IPCEF1: variants seen among roughly 807,000 people sequenced by gnomAD.
IPCEF1 encodes the protein interactor protein for cytohesin exchange factors 1.
IPCEF1 carries 31 observed loss-of-function variants against 50.9 expected under a neutral mutation model. The observed-to-expected ratio is 0.61, with a 90% CI of 0.46 to 0.82. IPCEF1 has a LOEUF of 0.82. IPCEF1 is among the 40% of genes least tolerant of loss of function. The probability of loss-of-function intolerance (pLI) is 0.00; values close to 1 mark genes in which losing one functional copy is unlikely to be tolerated. For missense variants in IPCEF1, 458 were observed against 514.0 expected, an observed-to-expected ratio of 0.89 and a Z score of 1.05; for synonymous variants, 181 against 192.0, an observed-to-expected ratio of 0.94 and a Z score of 0.47.
chr6:154,332,537 C>T (rs1783697335), intron 1 of IPCEF1, among the ~76,000 whole-genome samples: 1 of 152,130 alleles, frequency 6.6e-6, no homozygotes, highest in Non-Finnish European at 1.5e-5. Context: ...TGTTTAAAAA[C>T]TTTCAATTAA....
chr6:154,214,915 G>C (rs1482333039), intron 7 of IPCEF1, among the ~76,000 whole-genome samples: 1 of 152,154 alleles, frequency 6.6e-6, no homozygotes, highest in Non-Finnish European at 1.5e-5. Context: ...ACTCAAACTT[G>C]GCTTATCACT....
At chr6:154,248,578 CTG>C (rs1781246874) in intron 3 of IPCEF1, among the ~76,000 whole-genome samples, 1 of 152,036 alleles carries the variant, frequency 6.6e-6, no homozygotes, top group Non-Finnish European at 1.5e-5. Flanking sequence ...AACTATTGAT[CTG>C]ATAGCTATTG....
intron 1 of IPCEF1, among the ~76,000 whole-genome samples, chr6:154,296,828 CAAAAAAAAAA>C (rs200689361): frequency 1.3e-5 from 1 of 74,886 alleles, no homozygotes; most frequent in African/African-American, 4.6e-5. Context: ...GACTCCGTCT[CAAAAAAAAAA>C]AAAAAGAAAA....
chr6:154,168,007 C>T lies in IPCEF1; in HGVS notation c.1017G>A (p.Glu339=). 1 of 1,612,048 alleles carries T rather than the reference C, an allele frequency of 6.2e-7. No individual in the cohort carries two copies. Among genetic ancestry groups the T allele is most frequent in the Non-Finnish European group, 8.5e-7 (1 of 1,178,426 alleles). ...ACCGCTTAACAAAGGATTTTCTCAA[C>T]TCCTTTTTAGTCGAAGGTCGTCGGT... ...LGDRRPSTKK[E]LRKSFVKRCK... is the part of the protein sequence containing the mutation. The change falls in exon 11 of 12, where the codon GAG becomes GAA. Residue 339 remains glutamate, a synonymous_variant. Transcript: ENST00000367220. The surrounding 1 kb of genome is among the most constrained non-coding windows in gnomAD (Gnocchi z 4.1).
At chr6:154,321,825 G>C (rs79819697) in intron 1 of IPCEF1, among the ~76,000 whole-genome samples, 11,594 of 124,372 alleles carry the variant, frequency 0.093, 982 homozygotes, top group African/African-American at 0.24. Flanking sequence ...CCTTACAAAA[G>C]CTTTTAGAAG....
chr6:154,276,207 A>AAG (rs905369867), intron 2 of IPCEF1, among the ~76,000 whole-genome samples: 4 of 151,460 alleles, frequency 2.6e-5, no homozygotes, highest in South Asian at 2.1e-4. Context: ...GAAAGAGAAA[A>AAG]AGAGAGAGAG....
At chr6:154,337,358 T>A (rs1783808974) in intron 1 of IPCEF1, among the ~76,000 whole-genome samples, 1 of 152,186 alleles carries the variant, frequency 6.6e-6, no homozygotes, top group Non-Finnish European at 1.5e-5. Flanking sequence ...AAGAAACTTC[T>A]CTAGTCTTTC....
chr6:154,297,849 T>C (rs1380514969), intron 1 of IPCEF1, among the ~76,000 whole-genome samples: 1 of 152,226 alleles, frequency 6.6e-6, no homozygotes, highest in East Asian at 1.9e-4. Flanking sequence ...ATTTAGATCC[T>C]TGCATCACAG....
intron 3 of IPCEF1, among the ~76,000 whole-genome samples, chr6:154,261,050 T>C (rs1357551442): frequency 1.3e-5 from 2 of 151,632 alleles, no homozygotes. Flanking sequence ...TGTGTGTGCA[T>C]GTGTGTGTGT....
chr6:154,350,933 G>A (rs879355910), intron 1 of IPCEF1, among the ~76,000 whole-genome samples: 4 of 152,014 alleles, frequency 2.6e-5, no homozygotes, highest in African/African-American at 9.7e-5. Context: ...ATTGCCCAGT[G>A]GGTCTTCAAC....
intron 1 of IPCEF1, among the ~76,000 whole-genome samples, chr6:154,315,242 A>G (rs1370986193): frequency 6.6e-6 from 1 of 152,230 alleles, no homozygotes; most frequent in East Asian, 1.9e-4. Flanking sequence ...TCCTGGGAGA[A>G]CATGGACAGT....
intron 2 of IPCEF1, among the ~76,000 whole-genome samples, chr6:154,273,592 A>G (rs1356275255): frequency 6.6e-6 from 1 of 152,152 alleles, no homozygotes; most frequent in Non-Finnish European, 1.5e-5. Flanking sequence ...CTTCCCTACC[A>G]GTCTGTGTAC....
intron 5 of IPCEF1, among the ~76,000 whole-genome samples, chr6:154,235,346 C>A (rs1347082604): frequency 6.6e-6 from 1 of 152,140 alleles, no homozygotes; most frequent in Non-Finnish European, 1.5e-5. Flanking sequence ...GCCTGGCCCA[C>A]ATGGCGAAAA....
Position 154,168,986 on chromosome 6 carries a change from G to A in IPCEF1, c.911-873C>T, listed in dbSNP as rs889758491. Among the ~76,000 whole-genome samples, 3 of 151,886 alleles carry A rather than the reference G, an allele frequency of 2.0e-5. No individual in the cohort carries two copies. Among genetic ancestry groups the A allele is most frequent in the Non-Finnish European group, 2.9e-5 (2 of 67,986 alleles). ...CCTCCTAAATTCATGTGTTTCTCACGTGCAATATATTCACCTCATCCCAAC... is the reference window on the plus strand; with the variant it reads ...CCTCCTAAATTCATGTGTTTCTCACATGCAATATATTCACCTCATCCCAAC... On this transcript the variant is annotated intron_variant, in intron 10 of 11. Coordinates refer to ENST00000367220, the MANE Select transcript of IPCEF1 (RefSeq NM_001130700.2). The surrounding 1 kb of genome is among the most constrained non-coding windows in gnomAD (Gnocchi z 4.1).
Position 154,246,945 on chromosome 6 carries a change from A to AG in IPCEF1, c.77-186_77-185insC. 6.8e-6 allele frequency: 4 copies of AG among 592,468 alleles called. No individual in the cohort carries two copies. The East Asian group carries it at 1.2e-4, about 18-fold the overall frequency. 36.7% of individuals were successfully genotyped at this position (592,468 alleles called of 1,614,324 possible). A position where few individuals can be genotyped will look rare whatever the true frequency, so the allele number is the denominator to read the frequency against. ...TATGCAAAACCAATGCAAAAAAAAA[A>AG]AAAAAAAGCCATGTGTCTGTTTTAT... On this transcript the variant is annotated intron_variant, in intron 4 of 11. Transcript: ENST00000367220.
At chr6:154,259,838 A>C (rs1402351101) in intron 3 of IPCEF1, among the ~76,000 whole-genome samples, 4 of 152,030 alleles carry the variant, frequency 2.6e-5, no homozygotes, top group Non-Finnish European at 4.4e-5. Context: ...AAATATGTTC[A>C]AGTCTCCTGT....
rs1484000385 is a variant in IPCEF1, at chr6:154,193,831, T to G, written c.910+5837A>C. Reference sequence around the variant, plus strand: ...ACCCCAGCATCAAACATGACAATACTCCCTATTTTTTTCTTCCAATGCTGT... The same window carrying G: ...ACCCCAGCATCAAACATGACAATACGCCCTATTTTTTTCTTCCAATGCTGT... On this transcript the variant is annotated intron_variant, in intron 10 of 11. Coordinates refer to ENST00000367220, the MANE Select transcript of IPCEF1 (RefSeq NM_001130700.2). Among the ~76,000 whole-genome samples the G allele has an allele frequency of 3.9e-5, 6 of 152,190 alleles. No individual in the cohort carries two copies. The East Asian group carries it at 1.2e-3, about 29-fold the overall frequency.
chr6:154,273,704 TTTTCTTTC>T (rs776985277), intron 2 of IPCEF1, among the ~76,000 whole-genome samples: 1 of 77,300 alleles, frequency 1.3e-5, no homozygotes, highest in Non-Finnish European at 2.6e-5. Flanking sequence ...TTTTTTCTTT[TTTTCTTTC>T]TTTCTTTCTT....
chr6:154,214,079 T>A, intron 8 of IPCEF1, 139 bp downstream of exon 8: 1 of 663,440 alleles, frequency 1.5e-6, no homozygotes, highest in Admixed American at 2.4e-5. Context: ...TGTCTCCACA[T>A]ATTTTCAGAT....
Sources: allele counts gnomAD v4.1 joint callset (sites outside exome capture counted in the v4.1 genomes callset), GRCh38; gene constraint gnomAD v4.1.1; non-coding constraint Gnocchi (gnomAD v3.1); transcripts MANE v1.5; gene names NCBI Gene and HGNC (gene_info 2026-07-23, HGNC 2026-07-21).